The following ADAMTSL1 variants were observed in gnomAD, a reference collection of about 807,000 sequenced individuals.
ADAMTSL1 encodes the protein ADAMTS like 1, also known as ADAMTS-like protein 1.
Under a neutral mutation model 201.8 loss-of-function variants are expected in ADAMTSL1, and 126 were observed. The ratio of observed to expected loss-of-function variants is 0.62; its 90% confidence interval spans 0.54 to 0.72. The LOEUF is 0.72. ADAMTSL1 is among the 30% of genes least tolerant of loss of function. The pLI, the probability that ADAMTSL1 is intolerant of heterozygous loss-of-function variation, is 0.00. For missense variants in ADAMTSL1, 2,679 were observed against 2,277.8 expected (o/e 1.18, Z -3.59); for synonymous variants, 1,121 against 903.4 (o/e 1.24, Z -4.32).
intron 2 of ADAMTSL1, among the ~76,000 whole-genome samples, chr9:18,182,297 AAAG>A (rs1025877589): frequency 7.2e-5 from 11 of 152,270 alleles, no homozygotes; most frequent in South Asian, 2.1e-4. Flanking sequence ...AAAAAAAAAA[AAAG>A]AAGAATTAGA....
rs1215496700 is a variant in ADAMTSL1, at chr9:18,286,563, C to CACATTTCTTTTTAGTCTCCAAAGACT, written c.207+122583_207+122584insCATTTCTTTTTAGTCTCCAAAGACTA. Among the ~76,000 whole-genome samples the CACATTTCTTTTTAGTCTCCAAAGACT allele has an allele frequency of 1.5e-4, 8 of 54,878 alleles. No homozygotes were observed. In the South Asian group the frequency reaches 4.2e-3, roughly 29 times the overall value. 36.0% of individuals were successfully genotyped at this position (54,878 alleles called of 152,430 possible). On this transcript the variant is annotated intron_variant, in intron 2 of 29. Coordinates refer to the ADAMTSL1 transcript ENST00000680146. ...TAGTAGATACTTTGTGTTTCTATAG[C>CACATTTCTTTTTAGTCTCCAAAGACT]AGTTTATGGTTTTCAGATATAATCA...
chr9:18,843,963 C>A (rs934906494), intron 23 of ADAMTSL1, among the ~76,000 whole-genome samples: 9 of 152,132 alleles, frequency 5.9e-5, no homozygotes, highest in Non-Finnish European at 1.2e-4. Flanking sequence ...TTTTCAACTT[C>A]TTTGCCTTTG....
At chr9:18,084,556 G>A (rs1003503680) in intron 1 of ADAMTSL1, among the ~76,000 whole-genome samples, 7 of 151,864 alleles carry the variant, frequency 4.6e-5, no homozygotes, top group African/African-American at 1.5e-4. Flanking sequence ...AAAAAAAGAG[G>A]TGGTGATGGA....
intron 23 of ADAMTSL1, among the ~76,000 whole-genome samples, chr9:18,850,552 T>C (rs578116264): frequency 2.0e-5 from 3 of 152,274 alleles, no homozygotes; most frequent in South Asian, 4.2e-4. Context: ...CAAGCCAACT[T>C]TGTAGGAGAC....
intron 2 of ADAMTSL1, among the ~76,000 whole-genome samples, chr9:18,237,989 T>C (rs912928257): frequency 5.3e-5 from 8 of 152,332 alleles, no homozygotes; most frequent in African/African-American, 1.9e-4. Context: ...CACACTGCTT[T>C]GCCCTCTAGA....
intron 1 of ADAMTSL1, among the ~76,000 whole-genome samples, chr9:18,157,795 C>T (rs1166015945): frequency 2.6e-5 from 4 of 152,022 alleles, no homozygotes; most frequent in Admixed American, 2.6e-4. Context: ...CCCCCACGAT[C>T]TTCTTGGGGA....
chr9:18,710,154 G>A (rs569257027), intron 14 of ADAMTSL1, among the ~76,000 whole-genome samples: 11 of 152,218 alleles, frequency 7.2e-5, no homozygotes, highest in Middle Eastern at 3.4e-3. Flanking sequence ...GTTCCAGGGC[G>A]GCTCTGTCAC....
At chr9:17,993,646 A>G (rs7850592) in intron 1 of ADAMTSL1, among the ~76,000 whole-genome samples, 7,632 of 152,246 alleles carry the variant, frequency 0.05, 259 homozygotes, top group African/African-American at 0.085. Context: ...TTCCTTGCAG[A>G]AATTACACAG....
chr9:18,660,588 A>G (rs1829020489), intron 8 of ADAMTSL1, among the ~76,000 whole-genome samples: 1 of 152,244 alleles, frequency 6.6e-6, no homozygotes. Flanking sequence ...GTCCCTGTGT[A>G]GAAATTATTA....
chr9:18,278,619 C>G (rs181413134), intron 2 of ADAMTSL1, among the ~76,000 whole-genome samples: 5 of 152,232 alleles, frequency 3.3e-5, no homozygotes, highest in Admixed American at 6.5e-5. Flanking sequence ...TTTAATTATA[C>G]TCTGTTTCAG....
chr9:18,048,547 G>C (rs1821777335), intron 1 of ADAMTSL1, among the ~76,000 whole-genome samples: 1 of 152,164 alleles, frequency 6.6e-6, no homozygotes, highest in African/African-American at 2.4e-5. Flanking sequence ...ATGTAACATG[G>C]GAGATGTTAC....
chr9:18,794,848 G>A (rs1028645108), intron 19 of ADAMTSL1, among the ~76,000 whole-genome samples: 4 of 151,976 alleles, frequency 2.6e-5, no homozygotes, highest in Non-Finnish European at 4.4e-5. Flanking sequence ...TGCCATGTTG[G>A]CCAGGCTGTT....
chr9:18,071,605 A>G (rs1822971158), intron 1 of ADAMTSL1, among the ~76,000 whole-genome samples: 2 of 152,232 alleles, frequency 1.3e-5, no homozygotes, highest in Non-Finnish European at 2.9e-5. Flanking sequence ...GGTACAAGTG[A>G]AGTGACATTT....
At chr9:18,176,690 G>A (rs1396110804) in intron 2 of ADAMTSL1, among the ~76,000 whole-genome samples, 1 of 152,120 alleles carries the variant, frequency 6.6e-6, no homozygotes, top group African/African-American at 2.4e-5. Context: ...ACTTTACTCA[G>A]CACCATAGTA....
chr9:18,783,801 C>A (rs2133791213), intron 19 of ADAMTSL1, among the ~76,000 whole-genome samples: 1 of 152,160 alleles, frequency 6.6e-6, no homozygotes, highest in Non-Finnish European at 1.5e-5. Flanking sequence ...TTATAATATA[C>A]AACAAAGACT....
At chr9:18,409,968 G>C (rs965511702) in intron 2 of ADAMTSL1, among the ~76,000 whole-genome samples, 7 of 151,316 alleles carry the variant, frequency 4.6e-5, no homozygotes, top group African/African-American at 1.7e-4. Flanking sequence ...TTATAATACA[G>C]TCCCAATTAC....
At chr9:18,302,686 T>C (rs1833753994) in intron 2 of ADAMTSL1, among the ~76,000 whole-genome samples, 1 of 152,224 alleles carries the variant, frequency 6.6e-6, no homozygotes. Flanking sequence ...AACAGTCTAA[T>C]AATCCTTTAC....
intron 2 of ADAMTSL1, among the ~76,000 whole-genome samples, chr9:18,273,687 G>A (rs528179030): frequency 5.3e-5 from 8 of 152,154 alleles, no homozygotes; most frequent in South Asian, 2.1e-4. Flanking sequence ...TGTTGATCCC[G>A]CCTAAAAGCC....
intron 1 of ADAMTSL1, among the ~76,000 whole-genome samples, chr9:17,981,475 T>A (rs947512840): frequency 3.3e-5 from 5 of 152,234 alleles, no homozygotes; most frequent in African/African-American, 4.8e-5. Context: ...GTGCTGGTTC[T>A]TGATCATGCT....
Sources: allele counts gnomAD v4.1 joint callset (sites outside exome capture counted in the v4.1 genomes callset), GRCh38; gene constraint gnomAD v4.1.1; transcripts MANE v1.5; gene names NCBI Gene and HGNC (gene_info 2026-07-23, HGNC 2026-07-21).